Variants in FOXP1 observed in about 807,000 individuals in gnomAD.
FOXP1 encodes the protein forkhead box P1.
In FOXP1, 15 loss-of-function variants were observed where a neutral mutation model predicts 98.2. The observed-to-expected ratio is 0.15, with a 90% CI of 0.10 to 0.24. The LOEUF (loss-of-function observed/expected upper bound fraction) is 0.24, where lower values mean the gene tolerates loss of function less well. FOXP1 is among the 10% of genes least tolerant of loss of function. FOXP1 has a pLI of 1.00. For synonymous variants in FOXP1, 371 were observed against 314.5 expected, an observed-to-expected ratio of 1.18 and a Z score of -1.90; for missense variants, 633 against 848.5, an observed-to-expected ratio of 0.75 and a Z score of 3.15.
chr3:71,067,354 T>A (rs1172332536), intron 7 of FOXP1, among the ~76,000 whole-genome samples: 1 of 152,146 alleles, frequency 6.6e-6, no homozygotes, highest in Non-Finnish European at 1.5e-5. Context: ...AACTGGAACT[T>A]CCATAAGTGG....
chr3:71,208,308 C>T (rs934996511), intron 5 of FOXP1, among the ~76,000 whole-genome samples: 3 of 152,174 alleles, frequency 2.0e-5, no homozygotes, highest in African/African-American at 7.2e-5. Context: ...TGCTCTATTA[C>T]TGAGCTAGTG....
At chr3:71,322,365 C>T (rs1423287790) in intron 4 of FOXP1, among the ~76,000 whole-genome samples, 1 of 152,186 alleles carries the variant, frequency 6.6e-6, no homozygotes, top group Non-Finnish European at 1.5e-5. Flanking sequence ...CCACATGTGG[C>T]AATCAGCTAT....
chr3:71,250,663 C>G (rs1265322309), intron 5 of FOXP1, among the ~76,000 whole-genome samples: 1 of 152,246 alleles, frequency 6.6e-6, no homozygotes, highest in African/African-American at 2.4e-5. Flanking sequence ...GGCGCAGTGG[C>G]TCACGCCTGT....
At chr3:71,225,233 G>A (rs1048064904) in intron 5 of FOXP1, among the ~76,000 whole-genome samples, 1 of 152,232 alleles carries the variant, frequency 6.6e-6, no homozygotes, top group Non-Finnish European at 1.5e-5. Flanking sequence ...ATGCTAAGCT[G>A]TCAATCCCCT....
chr3:71,236,848 G>C (rs1426381122), intron 5 of FOXP1, among the ~76,000 whole-genome samples: 2 of 150,974 alleles, frequency 1.3e-5, no homozygotes, highest in African/African-American at 4.9e-5. Flanking sequence ...ACTCCAGCCT[G>C]AGTGACACAG....
chr3:71,047,710 C>T (rs573205503), intron 9 of FOXP1, among the ~76,000 whole-genome samples: 2 of 152,324 alleles, frequency 1.3e-5, no homozygotes, highest in African/African-American at 4.8e-5. Context: ...ACATCGTACT[C>T]GACTGTGAGT....
At chr3:71,318,356 C>A (rs1225357699) in intron 4 of FOXP1, among the ~76,000 whole-genome samples, 1 of 152,050 alleles carries the variant, frequency 6.6e-6, no homozygotes, top group Non-Finnish European at 1.5e-5. Flanking sequence ...GCAGGCACTT[C>A]CCTGAATAAA....
intron 2 of FOXP1, among the ~76,000 whole-genome samples, chr3:71,533,596 C>A (rs1305733636): frequency 6.6e-6 from 1 of 152,102 alleles, no homozygotes; most frequent in Non-Finnish European, 1.5e-5. Context: ...GGAAAATTGG[C>A]GTCCCCAACC....
intron 6 of FOXP1, among the ~76,000 whole-genome samples, chr3:71,122,897 T>C (rs1049856848): frequency 2.0e-5 from 3 of 152,188 alleles, no homozygotes; most frequent in Non-Finnish European, 4.4e-5. Flanking sequence ...GGCAAATGGC[T>C]ATGCAGACCT....
At position 71,465,798 on chromosome 3, in the gene FOXP1, G is replaced by A. The variant is rs140077712; in HGVS notation, c.-168+27628C>T. Among the ~76,000 whole-genome samples the A allele has an allele frequency of 2.6e-3, 402 of 152,280 alleles. 1 individual carries two copies. The highest frequency in any genetic ancestry group is 9.5e-3 in the African/African-American group (393 of 41,556). On this transcript the variant is annotated intron_variant, in intron 3 of 20. Transcript: ENST00000649528. ...CCGGATGCACAAGAAGTGAGCAGAG[G>A]GCAAGCAAGCATTACAGCCTGAGCT...
chr3:71,564,697 T>C (rs1471732230), intron 2 of FOXP1, among the ~76,000 whole-genome samples: 1 of 152,244 alleles, frequency 6.6e-6, no homozygotes. Flanking sequence ...AAATGTCAAT[T>C]ACAGAGTTTT....
At chr3:71,385,665 CATGAAT>C (rs2080516557) in intron 3 of FOXP1, among the ~76,000 whole-genome samples, 2 of 152,180 alleles carry the variant, frequency 1.3e-5, no homozygotes, top group African/African-American at 4.8e-5. Context: ...TAAATATGTA[CATGAAT>C]ATGTATACAA....
At chr3:71,571,353 T>C (rs752948031) in intron 2 of FOXP1, 2 of 152,252 alleles carry the variant, frequency 1.3e-5, no homozygotes, top group Non-Finnish European at 2.9e-5. Context: ...CCCTGGTTAA[T>C]GCAGACTAGT....
At chr3:71,177,785 C>T (rs1232657359) in intron 6 of FOXP1, among the ~76,000 whole-genome samples, 2 of 151,118 alleles carry the variant, frequency 1.3e-5, no homozygotes, top group Non-Finnish European at 2.9e-5. Flanking sequence ...ATTATTATTA[C>T]TTCTACTACT....
chr3:71,213,665 A>C (rs1430953195), intron 5 of FOXP1, among the ~76,000 whole-genome samples: 2 of 151,988 alleles, frequency 1.3e-5, no homozygotes, highest in African/African-American at 4.8e-5. Flanking sequence ...AAAATACAAA[A>C]ATTAGCCGGG....
chr3:71,508,735 C>G (rs1035348911), intron 2 of FOXP1, among the ~76,000 whole-genome samples: 1 of 152,158 alleles, frequency 6.6e-6, no homozygotes, highest in African/African-American at 2.4e-5. Context: ...TACAACCACC[C>G]CTCTCTGGCC....
intron 11 of FOXP1, among the ~76,000 whole-genome samples, chr3:71,032,473 C>T (rs1293889894): frequency 2.0e-5 from 3 of 152,304 alleles, no homozygotes; most frequent in South Asian, 4.1e-4. Context: ...TAACAATTTC[C>T]CTTTGTGAGC....
intron 11 of FOXP1, 140 bp downstream of exon 11, chr3:71,041,188 T>C: frequency 1.3e-6 from 1 of 751,912 alleles, no homozygotes; most frequent in Non-Finnish European, 2.4e-6. Flanking sequence ...CAAACCATAC[T>C]GAATACATTC....
intron 6 of FOXP1, among the ~76,000 whole-genome samples, chr3:71,162,132 G>C (rs916011626): frequency 6.6e-6 from 1 of 152,226 alleles, no homozygotes; most frequent in East Asian, 1.9e-4. Context: ...TGTACCTTAA[G>C]TGCTTTTTAA....
Sources: gnomAD v4.1 joint callset for allele counts (sites outside exome capture counted in the v4.1 genomes callset) on GRCh38, gnomAD v4.1.1 for gene constraint, MANE v1.5 for transcripts, NCBI Gene and HGNC (gene_info 2026-07-23, HGNC 2026-07-21) for gene names.